ENOX1: variants seen among roughly 807,000 people sequenced by gnomAD.
ENOX1 encodes candidate growth-related and time keeping constitutive hydroquinone (NADH) oxidase.
Under a neutral mutation model 82.5 loss-of-function variants are expected in ENOX1, and 42 were observed. The ratio of observed to expected loss-of-function variants is 0.51; its 90% CI spans 0.40 to 0.66. The LOEUF is 0.66. ENOX1 is among the 30% of genes least tolerant of loss of function. ENOX1 has a pLI of 0.00. For missense variants in ENOX1, 608 were observed against 811.6 expected (o/e 0.75, Z 3.05); for synonymous variants, 271 against 282.2 (o/e 0.96, Z 0.40).
intron 13 of ENOX1, among the ~76,000 whole-genome samples, chr13:43,268,000 T>C (rs1215174673): frequency 2.0e-5 from 3 of 152,212 alleles, no homozygotes; most frequent in Non-Finnish European, 4.4e-5. Flanking sequence ...CCCATAATTG[T>C]GTGTGCTCTG....
At chr13:43,522,771 T>C (rs904427575) in intron 2 of ENOX1, among the ~76,000 whole-genome samples, 11 of 152,156 alleles carry the variant, frequency 7.2e-5, no homozygotes, top group African/African-American at 2.4e-4. Flanking sequence ...AATGACTACA[T>C]ACAATTACTA....
intron 14 of ENOX1, among the ~76,000 whole-genome samples, chr13:43,249,992 G>A (rs529004113): frequency 4.8e-4 from 73 of 152,312 alleles, no homozygotes; most frequent in Middle Eastern, 3.4e-3. Flanking sequence ...ACAAATAATA[G>A]TGGTGATAAT....
At chr13:43,778,459 T>C (rs1175096524) in intron 1 of ENOX1, among the ~76,000 whole-genome samples, 1 of 151,988 alleles carries the variant, frequency 6.6e-6, no homozygotes, top group African/African-American at 2.4e-5. Context: ...AGCTAAAATA[T>C]AGGCTATCAA....
At chr13:43,530,000 C>T (rs2078142906) in intron 2 of ENOX1, among the ~76,000 whole-genome samples, 1 of 152,116 alleles carries the variant, frequency 6.6e-6, no homozygotes, top group Non-Finnish European at 1.5e-5. Context: ...GACTCAAGAT[C>T]CTTCTGAATC....
intron 9 of ENOX1, among the ~76,000 whole-genome samples, chr13:43,331,044 G>T (rs906753540): frequency 2.0e-5 from 3 of 152,170 alleles, no homozygotes; most frequent in Non-Finnish European, 4.4e-5. Flanking sequence ...CTCTGGGAGG[G>T]AAAGCTCAGA....
chr13:43,782,856 C>T (rs1345740328), intron 1 of ENOX1, among the ~76,000 whole-genome samples: 1 of 152,184 alleles, frequency 6.6e-6, no homozygotes, highest in East Asian at 1.9e-4. Context: ...ACAATCTGCA[C>T]TATCACCTCT....
intron 1 of ENOX1, among the ~76,000 whole-genome samples, chr13:43,684,819 CTT>C (rs2085982662): frequency 6.6e-6 from 1 of 152,126 alleles, no homozygotes; most frequent in Admixed American, 6.6e-5. Context: ...AGTTGTGTCT[CTT>C]TACAGATTTT....
chr13:43,284,677 C>T (rs2045583894), intron 12 of ENOX1, among the ~76,000 whole-genome samples: 2 of 152,072 alleles, frequency 1.3e-5, no homozygotes, highest in Non-Finnish European at 2.9e-5. Flanking sequence ...CTACTTATTA[C>T]ACTCTTCCTT....
intron 1 of ENOX1, among the ~76,000 whole-genome samples, chr13:43,777,873 TA>T (rs1355564119): frequency 6.6e-6 from 1 of 152,208 alleles, no homozygotes; most frequent in African/African-American, 2.4e-5. Context: ...AAATGTTTAA[TA>T]AAAAATAGCA....
chr13:43,659,713 G>A (rs1002857076), intron 2 of ENOX1, among the ~76,000 whole-genome samples: 27 of 152,082 alleles, frequency 1.8e-4, no homozygotes, highest in African/African-American at 5.3e-4. Context: ...TTCTGGCTAG[G>A]CCCTTCCTTG....
chr13:43,743,157 CAGA>C (rs1949842349), intron 1 of ENOX1, among the ~76,000 whole-genome samples: 1 of 152,094 alleles, frequency 6.6e-6, no homozygotes, highest in Non-Finnish European at 1.5e-5. Context: ...CAGGGTTGCC[CAGA>C]AGTTGTTTTT....
intron 2 of ENOX1, among the ~76,000 whole-genome samples, chr13:43,598,900 T>C (rs2081583027): frequency 6.6e-6 from 1 of 152,146 alleles, no homozygotes; most frequent in Admixed American, 6.6e-5. Context: ...TTCTGTCACA[T>C]ACATGGAGGA....
intron 14 of ENOX1, among the ~76,000 whole-genome samples, chr13:43,247,883 A>ATATATATATTTTT (rs1566330073): frequency 6.8e-5 from 1 of 14,648 alleles, no homozygotes; most frequent in Non-Finnish European, 1.8e-4. Context: ...ATATATATAT[A>ATATATATATTTTT]TTTTTTTTTT....
chr13:43,484,039 T>C lies in ENOX1; in HGVS notation c.-105A>G. ...AACTGCCAGCAGCTCAGAAGACAAA[T>C]GTGTTCTCTGGGGACTTGATTGAAA... is the stretch of plus-strand genomic sequence containing the variant. On this transcript the variant is annotated 5_prime_UTR_variant, in exon 3 of 17. Transcript: ENST00000690772. The C allele has an allele frequency of 1.0e-6, 1 of 985,248 alleles. No individual in the cohort carries two copies. 61.0% of individuals were successfully genotyped at this position (985,248 alleles called of 1,614,324 possible).
intron 3 of ENOX1, among the ~76,000 whole-genome samples, chr13:43,457,739 G>A (rs1419150137): frequency 1.3e-5 from 2 of 152,036 alleles, no homozygotes; most frequent in African/African-American, 2.4e-5. Context: ...GAATGTTAAT[G>A]GTCAAACTAC....
intron 2 of ENOX1, among the ~76,000 whole-genome samples, chr13:43,488,324 C>T (rs997423354): frequency 6.6e-6 from 1 of 152,196 alleles, no homozygotes; most frequent in Non-Finnish European, 1.5e-5. Context: ...CCTTCCACCA[C>T]GTGCAAACAC....
rs912611897 is a variant in ENOX1, at chr13:43,226,569, G to A, written c.1715-2431C>T. ...GAGAGTAAGGGCTGAATCACAGTTC[G>A]TGTAGAGGGAATCCCCTGTTTCACG... is the stretch of plus-strand genomic sequence containing the variant. On this transcript the variant is annotated intron_variant, in intron 15 of 16. Coordinates refer to ENST00000690772, the MANE Select transcript of ENOX1 (RefSeq NM_001347969.2). 1.2e-4 allele frequency among the ~76,000 whole-genome samples: 19 copies of A among 152,162 alleles called. 1 individual carries two copies. Among genetic ancestry groups the A allele is most frequent in the African/African-American group, 3.1e-4 (13 of 41,428 alleles).
intron 3 of ENOX1, among the ~76,000 whole-genome samples, chr13:43,471,507 A>T (rs1199112801): frequency 6.6e-6 from 1 of 152,148 alleles, no homozygotes; most frequent in East Asian, 1.9e-4. Context: ...TAATGTCTAT[A>T]ACTTGCTTTG....
At chr13:43,694,823 C>T (rs1456807833) in intron 1 of ENOX1, among the ~76,000 whole-genome samples, 1 of 152,130 alleles carries the variant, frequency 6.6e-6, no homozygotes, top group Non-Finnish European at 1.5e-5. Context: ...AGTTTTCTCC[C>T]GTTTCTTTGA....
Sources: gnomAD v4.1 joint callset for allele counts (sites outside exome capture counted in the v4.1 genomes callset) on GRCh38, gnomAD v4.1.1 for gene constraint, MANE v1.5 for transcripts, NCBI Gene and HGNC (gene_info 2026-07-23, HGNC 2026-07-21) for gene names.